MBNL3: variants seen among roughly 807,000 people sequenced by gnomAD.
MBNL3 encodes the protein muscleblind like splicing regulator 3, also known as muscleblind-like protein 3.
MBNL3 carries 6 observed loss-of-function variants against 24.5 expected under a neutral mutation model. The observed-to-expected ratio is 0.25, with a 90% CI of 0.13 to 0.48. The LOEUF is 0.48. Ranked by LOEUF, MBNL3 falls within the 20% of genes least tolerant of loss-of-function variation. The pLI is 0.99. For synonymous variants in MBNL3, 100 were observed against 101.7 expected, an observed-to-expected ratio of 0.98 and a Z score of 0.10; for missense variants, 230 against 293.5, an observed-to-expected ratio of 0.78 and a Z score of 1.58.
At chrX:132,398,712 C>G (rs1229978808) in intron 3 of MBNL3, among the ~76,000 whole-genome samples, 1 of 110,835 alleles carries the variant, frequency 9.0e-6, no homozygotes, top group Non-Finnish European at 1.9e-5. Context: ...CACAGGAAAC[C>G]TGGAGACTAT....
rs147184273 is a variant in MBNL3 at position 132,370,983 on chromosome X, C to G, written c.*8683G>C. On this transcript the variant is annotated 3_prime_UTR_variant, in exon 9 of 9. Transcript: ENST00000370853. ...ATTCTTACCTAACATTCAGCAGCCT[C>G]AAAGAGAAAGACATTAACTGAATTC... 40 of 111,648 alleles carry G rather than the reference C, an allele frequency of 3.6e-4. No homozygotes were observed. The highest frequency in any genetic ancestry group is 1.2e-3 in the African/African-American group (38 of 30,766). The allele number at this position is 111,648 out of a possible 1,213,427, so 9.2% of individuals were successfully genotyped here. A position where few individuals can be genotyped will look rare whatever the true frequency, so the allele number is the denominator to read the frequency against.
Position 132,370,043 on chromosome X carries a change from C to T in MBNL3, c.*9623G>A, listed in dbSNP as rs939892699. 3 of 111,903 alleles carry T rather than the reference C, an allele frequency of 2.7e-5. No individual in the cohort carries two copies. The highest frequency in any genetic ancestry group is 9.8e-5 in the African/African-American group (3 of 30,737). 9.2% of individuals were successfully genotyped at this position (111,903 alleles called of 1,213,427 possible). On this transcript the variant is annotated 3_prime_UTR_variant, in exon 9 of 9. Transcript: ENST00000370853. Reference sequence around the variant, plus strand: ...TTTCCTGGTGGCTGCCCTTTGTATCCAAAATCCTCTGTTTGGAGCTCTTGG... The same window carrying T: ...TTTCCTGGTGGCTGCCCTTTGTATCTAAAATCCTCTGTTTGGAGCTCTTGG...
chrX:132,386,443 A>G (rs1012547283), intron 6 of MBNL3, among the ~76,000 whole-genome samples: 1 of 112,433 alleles, frequency 8.9e-6, no homozygotes, highest in Non-Finnish European at 1.9e-5. Flanking sequence ...AAAAATGTTG[A>G]TACTTTTTCC....
intron 2 of MBNL3, among the ~76,000 whole-genome samples, chrX:132,418,461 C>A (rs1299824723): frequency 1.8e-5 from 2 of 111,753 alleles, no homozygotes; most frequent in Admixed American, 9.5e-5. Flanking sequence ...GGGATTTGAA[C>A]CTACGTGCTC....
chrX:132,449,464 CTTTTTTT>C (rs751006249), intron 1 of MBNL3, among the ~76,000 whole-genome samples: 4 of 29,782 alleles, frequency 1.3e-4, no homozygotes, highest in Non-Finnish European at 2.1e-4. Context: ...GCAACCCCTG[CTTTTTTT>C]TTTTTTTTTT....
intron 2 of MBNL3, among the ~76,000 whole-genome samples, chrX:132,420,662 G>A (rs768455642): frequency 1.6e-3 from 182 of 110,870 alleles, no homozygotes; most frequent in African/African-American, 5.5e-3. Context: ...TGCAAGCCCC[G>A]TGTTTAAAGG....
Position 132,468,664 on chromosome X carries a change from CTG to C in MBNL3, c.-704+20185_-704+20186del, listed in dbSNP as rs1947014851. 2.7e-5 allele frequency among the ~76,000 whole-genome samples: 3 copies of C among 112,150 alleles called. No individual in the cohort carries two copies. In the South Asian group the frequency reaches 1.1e-3, roughly 42 times the overall value. On this transcript the variant is annotated intron_variant, in intron 1 of 8. Transcript: ENST00000370853. The stretch of plus-strand genomic sequence containing the variant: ...TGTACCCATTTCACAGATGAGGAAA[CTG>C]AGACACAGAGAGGCTAAGTAACTTG...
chrX:132,450,900 A>G (rs897630552), intron 1 of MBNL3, among the ~76,000 whole-genome samples: 5 of 111,992 alleles, frequency 4.5e-5, no homozygotes, highest in Admixed American at 9.4e-5. Context: ...TCTGTTTGTT[A>G]GTTTTCCTTC....
In MBNL3 at chrX:132,374,457, G is replaced by A. The variant is rs1433720428; in HGVS notation, c.*5209C>T. The A allele has an allele frequency of 1.8e-5, 2 of 111,513 alleles. No individual in the cohort carries two copies. The highest frequency in any genetic ancestry group is 6.5e-5 in the African/African-American group (2 of 30,754). 9.2% of individuals were successfully genotyped at this position (111,513 alleles called of 1,213,427 possible). ...TACCTGTTACTAGCCTTCTCTTTTG[G>A]TGACCTGTAGCAAACTAGAAAGCCT... is the stretch of plus-strand genomic sequence containing the variant. On this transcript the variant is annotated 3_prime_UTR_variant, in exon 9 of 9. Coordinates refer to ENST00000370853, the MANE Select transcript of MBNL3 (RefSeq NM_001386889.1).
At position 132,404,029 on chromosome X, in the gene MBNL3, T is replaced by C. The variant is rs924902598; in HGVS notation, c.342+2199A>G. ...CCTCCCACCCACATCCCCTGGCAAC[T>C]ACCCTTCTACTCTCTGTTTCTATGC... On this transcript the variant is annotated intron_variant, in intron 3 of 8. Transcript: ENST00000370853. 4.0e-5 allele frequency among the ~76,000 whole-genome samples: 4 copies of C among 99,969 alleles called. No individual in the cohort carries two copies. The East Asian group carries it at 1.1e-3, about 28-fold the overall frequency. The allele number at this position is 99,969 out of a possible 115,157, so 86.8% of individuals were successfully genotyped here. A position where few individuals can be genotyped will look rare whatever the true frequency, so the allele number is the denominator to read the frequency against.
chrX:132,386,736 A>C lies in MBNL3; in HGVS notation c.847T>G (p.Phe283Val). 2 of 1,211,253 alleles carry C rather than the reference A, an allele frequency of 1.7e-6. No individual in the cohort carries two copies. Among genetic ancestry groups the C allele is most frequent in the Non-Finnish European group, 2.2e-6 (2 of 895,439 alleles). ...LEKPNGATPV[F>V]NPTVFHCQQA... ...TGGCAGTGGAAAACAGTGGGATTAAAGACCGGGGTGGCACCATTGGGCTTT... is the reference window on the plus strand; with the variant it reads ...TGGCAGTGGAAAACAGTGGGATTAACGACCGGGGTGGCACCATTGGGCTTT... The change falls in exon 6 of 9, where the codon TTT becomes GTT. Residue 283 changes from phenylalanine to valine, a missense_variant. Physicochemically the swap from Phe to Val is conservative, Grantham distance 50. Coordinates refer to ENST00000370853, the MANE Select transcript of MBNL3 (RefSeq NM_001386889.1).
chrX:132,397,179 C>A (rs1233665367), intron 3 of MBNL3, among the ~76,000 whole-genome samples: 1 of 107,419 alleles, frequency 9.3e-6, no homozygotes, highest in East Asian at 2.9e-4. Flanking sequence ...AGTTGGAATC[C>A]TGTAAAGGTA....
intron 1 of MBNL3, among the ~76,000 whole-genome samples, chrX:132,472,777 T>C (rs1947246967): frequency 8.9e-6 from 1 of 112,300 alleles, no homozygotes; most frequent in African/African-American, 3.2e-5. Context: ...GTGTAAAACT[T>C]GTTAAAAATA....
chrX:132,403,342 G>A (rs1376594380), intron 3 of MBNL3, among the ~76,000 whole-genome samples: 4 of 111,316 alleles, frequency 3.6e-5, no homozygotes, highest in East Asian at 2.8e-4. Context: ...ATCATTTATC[G>A]GCTCATCGCA....
In MBNL3 at chrX:132,370,176, G is replaced by A. The variant is rs966886372; in HGVS notation, c.*9490C>T. On this transcript the variant is annotated 3_prime_UTR_variant, in exon 9 of 9. Transcript: ENST00000370853. ...TAGTTAAATGCGCATTTCTAGTACA[G>A]GAAAGAGCCAAGTAGAAAATCAGAG... 3 of 111,612 alleles carry A rather than the reference G, an allele frequency of 2.7e-5. No homozygotes were observed. The highest frequency in any genetic ancestry group is 5.6e-5 in the Non-Finnish European group (3 of 53,128). 9.2% of individuals were successfully genotyped at this position (111,612 alleles called of 1,213,427 possible).
intron 1 of MBNL3, among the ~76,000 whole-genome samples, chrX:132,471,292 A>G (rs1289746338): frequency 8.9e-6 from 1 of 112,726 alleles, no homozygotes; most frequent in Non-Finnish European, 1.9e-5. Flanking sequence ...ATCAATTAAT[A>G]TTACATTAAA....
intron 3 of MBNL3, among the ~76,000 whole-genome samples, chrX:132,398,518 G>A (rs971599345): frequency 8.9e-6 from 1 of 111,784 alleles, no homozygotes; most frequent in Non-Finnish European, 1.9e-5. Context: ...ATAGTATCAT[G>A]AGCATCTGTT....
At chrX:132,396,526 ATATATTCATATATATATTCC>A in intron 3 of MBNL3, among the ~76,000 whole-genome samples, 1 of 65,376 alleles carries the variant, frequency 1.5e-5, no homozygotes, top group Non-Finnish European at 2.6e-5. Flanking sequence ...ATATTCATAT[ATATATTCATATATATATTCC>A]TATATATTCC....
At chrX:132,456,982 G>C (rs994828300) in intron 1 of MBNL3, among the ~76,000 whole-genome samples, 2 of 111,518 alleles carry the variant, frequency 1.8e-5, no homozygotes, top group Non-Finnish European at 3.8e-5. Context: ...CCTTGGGCAC[G>C]GTAGGTCCTT....
Sources: allele counts gnomAD v4.1 joint callset (sites outside exome capture counted in the v4.1 genomes callset), GRCh38; gene constraint gnomAD v4.1.1; transcripts MANE v1.5; gene names NCBI Gene and HGNC (gene_info 2026-07-23, HGNC 2026-07-21).